SNAP91: variants seen among roughly 807,000 people sequenced by gnomAD.
SNAP91 encodes synaptosome associated protein 91.
A neutral mutation model predicts 100.3 loss-of-function variants in SNAP91; 27 were observed. The observed-to-expected ratio is 0.27, with a 90% CI of 0.20 to 0.37. The LOEUF (loss-of-function observed/expected upper bound fraction) is 0.37. Among genes scored for constraint, SNAP91 ranks in the 10% least tolerant of loss-of-function variants. The probability of loss-of-function intolerance (pLI) is 1.00; values close to 1 mark genes in which losing one functional copy is unlikely to be tolerated. For synonymous variants in SNAP91, 404 were observed against 398.6 expected (o/e 1.01, Z -0.16); for missense variants, 986 against 1,123.7 (o/e 0.88, Z 1.75).
At chr6:83,673,100 C>T (rs996133213) in intron 2 of SNAP91, among the ~76,000 whole-genome samples, 1 of 152,140 alleles carries the variant, frequency 6.6e-6, no homozygotes, top group Non-Finnish European at 1.5e-5. Flanking sequence ...ATATTTGCCA[C>T]ATGGACAAGC....
chr6:83,703,489 T>A (rs1244505871), intron 2 of SNAP91, among the ~76,000 whole-genome samples: 7 of 152,204 alleles, frequency 4.6e-5, no homozygotes, highest in Admixed American at 1.3e-4. Context: ...AAATTTTCGT[T>A]CTATTTTTAC....
intron 12 of SNAP91, among the ~76,000 whole-genome samples, chr6:83,609,535 T>C (rs2095855885): frequency 6.6e-6 from 1 of 152,192 alleles, no homozygotes; most frequent in South Asian, 2.1e-4. Flanking sequence ...CATAATGATA[T>C]CCTTGAATAT....
rs1021266326 is a variant in SNAP91, at chr6:83,591,790, C to T, written c.1931-496G>A. Among the ~76,000 whole-genome samples, 13 of 152,254 alleles carry T rather than the reference C, an allele frequency of 8.5e-5. No individual in the cohort carries two copies. The East Asian group carries it at 9.6e-4, about 11-fold the overall frequency. On this transcript the variant is annotated intron_variant, in intron 21 of 29. Coordinates refer to ENST00000369694, the MANE Select transcript of SNAP91 (RefSeq NM_001242792.2). ...GCAACATCTTTGTATTCCTCATGTACGCATCATGGAATGTCCATGATGCTT... is the reference window on the plus strand; with the variant it reads ...GCAACATCTTTGTATTCCTCATGTATGCATCATGGAATGTCCATGATGCTT...
At position 83,660,769 on chromosome 6, in the gene SNAP91, C is replaced by G. The variant is rs2098526821; in HGVS notation, c.452+733G>C. Among the ~76,000 whole-genome samples the G allele has an allele frequency of 1.3e-5, 2 of 149,274 alleles. 1 individual carries two copies. The highest frequency in any genetic ancestry group is 4.2e-4 in the South Asian group (2 of 4,772). Reference sequence around the variant, plus strand: ...AAAAAAATATTTATATAGCTATTGGCTATTTTCCATCTTTTTTTTTTTTGA... The same window carrying G: ...AAAAAAATATTTATATAGCTATTGGGTATTTTCCATCTTTTTTTTTTTTGA... On this transcript the variant is annotated intron_variant, in intron 5 of 29. Coordinates refer to ENST00000369694, the MANE Select transcript of SNAP91 (RefSeq NM_001242792.2).
chr6:83,554,979 A>G (rs1381456971), intron 29 of SNAP91, among the ~76,000 whole-genome samples: 1 of 152,126 alleles, frequency 6.6e-6, no homozygotes, highest in African/African-American at 2.4e-5. Flanking sequence ...TGTCTCAAGC[A>G]TATCTGTTTC....
chr6:83,580,650 A>G, intron 23 of SNAP91, 51 bp from the exon 24 acceptor site: 1 of 1,497,632 alleles, frequency 6.7e-7, no homozygotes, highest in East Asian at 2.3e-5. Flanking sequence ...AAAAAAGATC[A>G]TATGCGAAAT....
rs566634008 is a variant in SNAP91 at position 83,639,904 on chromosome 6, A to T, written c.765+1192T>A. On this transcript the variant is annotated intron_variant, in intron 8 of 29. Coordinates refer to ENST00000369694, the MANE Select transcript of SNAP91 (RefSeq NM_001242792.2). ...AGATTAGGCTGATAATTACGGTTAA[A>T]CCATGGCAAAATCATACCAAATACA... is the stretch of plus-strand genomic sequence containing the variant. Among the ~76,000 whole-genome samples the T allele has an allele frequency of 2.6e-5, 4 of 152,286 alleles. No homozygotes were observed. The South Asian group carries it at 8.3e-4, about 32-fold the overall frequency.
At chr6:83,592,900 C>T in intron 20 of SNAP91, 46 bp downstream of exon 20, 1 of 1,400,900 alleles carries the variant, frequency 7.1e-7, no homozygotes, top group South Asian at 1.2e-5. Context: ...CTATGCATTA[C>T]TTCCACAAGA....
chr6:83,636,059 T>C (rs930423186), intron 8 of SNAP91, among the ~76,000 whole-genome samples: 1 of 152,182 alleles, frequency 6.6e-6, no homozygotes, highest in Admixed American at 6.5e-5. Context: ...TGAGGTTCCT[T>C]TTATAGGTGA....
At chr6:83,686,095 T>G (rs2099056653) in intron 2 of SNAP91, 1 of 894,960 alleles carries the variant, frequency 1.1e-6, no homozygotes, top group Non-Finnish European at 1.3e-6. Flanking sequence ...GATTAAATGT[T>G]TGTTGTGAAC....
intron 7 of SNAP91, among the ~76,000 whole-genome samples, chr6:83,647,278 T>C (rs750018595): frequency 6.6e-6 from 1 of 152,180 alleles, no homozygotes; most frequent in Non-Finnish European, 1.5e-5. Flanking sequence ...CTGATCTTAC[T>C]GGGAAAGCTT....
chr6:83,637,558 G>A (rs911407272), intron 8 of SNAP91, among the ~76,000 whole-genome samples: 1 of 152,172 alleles, frequency 6.6e-6, no homozygotes, highest in Non-Finnish European at 1.5e-5. Flanking sequence ...TCCAGTGTCT[G>A]CCCCAGGAGC....
intron 7 of SNAP91, among the ~76,000 whole-genome samples, chr6:83,645,720 G>A (rs1354584007): frequency 6.6e-6 from 1 of 152,026 alleles, no homozygotes; most frequent in African/African-American, 2.4e-5. Context: ...GAGTGGTGGT[G>A]CGTGTCTGTA....
intron 26 of SNAP91, among the ~76,000 whole-genome samples, chr6:83,570,171 T>G (rs1804299978): frequency 6.6e-6 from 1 of 152,074 alleles, no homozygotes. Flanking sequence ...GTGATTCTTG[T>G]TATGTTTTAG....
At chr6:83,591,433 T>G (rs1013112192) in intron 21 of SNAP91, 139 bp from the exon 22 acceptor site, 2 of 567,556 alleles carry the variant, frequency 3.5e-6, no homozygotes, top group Non-Finnish European at 6.4e-6. Flanking sequence ...TGTGAAATGA[T>G]CACATGAATT....
intron 26 of SNAP91, among the ~76,000 whole-genome samples, chr6:83,573,213 A>G (rs1297920034): frequency 6.6e-6 from 1 of 152,202 alleles, no homozygotes; most frequent in Non-Finnish European, 1.5e-5. Flanking sequence ...TGCTTCAAAG[A>G]GAATAAAATA....
At chr6:83,567,901 T>C (rs1799274585) in intron 26 of SNAP91, among the ~76,000 whole-genome samples, 3 of 152,140 alleles carry the variant, frequency 2.0e-5, no homozygotes, top group African/African-American at 7.2e-5. Context: ...TTGGTGGGAC[T>C]GTAAACTAGT....
intron 26 of SNAP91, among the ~76,000 whole-genome samples, chr6:83,571,139 T>C (rs1806876904): frequency 6.6e-6 from 1 of 150,784 alleles, no homozygotes; most frequent in Non-Finnish European, 1.5e-5. Context: ...GGAGTCTCGC[T>C]CTGTCACAAG....
chr6:83,660,701 G>A (rs971755389), intron 5 of SNAP91, among the ~76,000 whole-genome samples: 2 of 151,480 alleles, frequency 1.3e-5, no homozygotes, highest in African/African-American at 4.9e-5. Context: ...AGAATGATAC[G>A]TCTCTCAAAA....
Sources: allele counts gnomAD v4.1 joint callset (sites outside exome capture counted in the v4.1 genomes callset), GRCh38; gene constraint gnomAD v4.1.1; transcripts MANE v1.5; gene names NCBI Gene and HGNC (gene_info 2026-07-23, HGNC 2026-07-21).